The following GSE1 variants were observed in gnomAD, a reference collection of about 807,000 sequenced individuals.
GSE1 encodes the protein Gse1 coiled-coil protein, also known as genetic suppressor element 1.
GSE1 carries 32 observed loss-of-function variants against 112.6 expected under a neutral mutation model. That is an observed-to-expected ratio of 0.28 (90% CI 0.21 to 0.38). GSE1 has a LOEUF of 0.38. Among genes scored for constraint, GSE1 ranks in the 10% least tolerant of loss-of-function variants. The probability of loss-of-function intolerance (pLI) is 1.00; values close to 1 mark genes in which losing one functional copy is unlikely to be tolerated. For synonymous variants in GSE1, 1,115 were observed against 735.6 expected, an observed-to-expected ratio of 1.52 and a Z score of -8.35; for missense variants, 2,348 against 1,699.2, an observed-to-expected ratio of 1.38 and a Z score of -6.71.
chr16:85,290,740 A>C (rs542423063), intron 1 of GSE1, among the ~76,000 whole-genome samples: 3 of 151,678 alleles, frequency 2.0e-5, no homozygotes, highest in African/African-American at 4.8e-5. Flanking sequence ...ATGGCCACCC[A>C]CGAGCTGTCC....
rs116917228 is a variant in GSE1, at chr16:85,637,900, G to A, written c.226+3768G>A. ...CCCGCAGCCAGGGCTGCCTCCTGGC[G>A]ACGGCACGTCCTGGGCAGAGGGGGC... is the stretch of plus-strand genomic sequence containing the variant. On this transcript the variant is annotated intron_variant, in intron 2 of 15. Transcript: ENST00000253458. Among the ~76,000 whole-genome samples the A allele has an allele frequency of 2.3e-3, 354 of 152,288 alleles. 2 individuals are homozygous for A. Among genetic ancestry groups the A allele is most frequent in the Admixed American group, 0.013 (199 of 15,298 alleles).
chr16:85,354,665 C>T (rs1352620062), intron 1 of GSE1, among the ~76,000 whole-genome samples: 1 of 152,242 alleles, frequency 6.6e-6, no homozygotes, highest in Non-Finnish European at 1.5e-5. Flanking sequence ...CCCTGCACCC[C>T]TCCAGCCCAT....
chr16:85,669,079 G>T (rs760247937), intron 14 of GSE1, among the ~76,000 whole-genome samples: 11 of 152,268 alleles, frequency 7.2e-5, no homozygotes, highest in Non-Finnish European at 1.3e-4. Context: ...CCACGAAGTT[G>T]GGCGTTGCAG....
chr16:85,462,920 T>G (rs1475882874), intron 2 of GSE1, among the ~76,000 whole-genome samples: 1 of 151,038 alleles, frequency 6.6e-6, no homozygotes, highest in African/African-American at 2.4e-5. Flanking sequence ...GGCTGCTCCG[T>G]GCCGCCCCGC....
chr16:85,615,668 A>G (rs1382177443), intron 1 of GSE1, among the ~76,000 whole-genome samples: 1 of 152,186 alleles, frequency 6.6e-6, no homozygotes, highest in Non-Finnish European at 1.5e-5. Flanking sequence ...AAGGAAGGCA[A>G]CAAGGTGTCC....
intron 8 of GSE1, among the ~76,000 whole-genome samples, chr16:85,660,793 G>C (rs2052364038): frequency 6.6e-6 from 1 of 151,980 alleles, no homozygotes; most frequent in South Asian, 2.1e-4. Flanking sequence ...ACCATGCCTG[G>C]CTAATTTTTG....
At chr16:85,370,821 G>T (rs1041094621) in intron 2 of GSE1, among the ~76,000 whole-genome samples, 20 of 152,344 alleles carry the variant, frequency 1.3e-4, no homozygotes, top group African/African-American at 4.6e-4. Context: ...ACCACCTTTG[G>T]GAACTGGGTT....
intron 1 of GSE1, among the ~76,000 whole-genome samples, chr16:85,585,891 G>A (rs1315090925): frequency 6.6e-6 from 1 of 152,180 alleles, no homozygotes; most frequent in African/African-American, 2.4e-5. Context: ...GTCACTTCCT[G>A]CCTCTGACAA....
intron 1 of GSE1, among the ~76,000 whole-genome samples, chr16:85,590,080 GGTGT>G (rs571278780): frequency 9.1e-4 from 138 of 152,194 alleles, no homozygotes; most frequent in Admixed American, 2.7e-3. Flanking sequence ...TGATTGTGAA[GGTGT>G]GTGTGAGGCG....
chr16:85,249,877 C>T (rs917856167), intron 1 of GSE1, among the ~76,000 whole-genome samples: 3 of 152,246 alleles, frequency 2.0e-5, no homozygotes, highest in Admixed American at 6.5e-5. Context: ...TCCATGAGGG[C>T]AGCAATGTCA....
Position 85,673,690 on chromosome 16 carries a change from G to C in GSE1, c.*1151G>C, listed in dbSNP as rs2053520090. ...CTTACCTCCTCCACTCCCCCTGCCT[G>C]CCCCCAGCATCTGGACAAGCTAATA... On this transcript the variant is annotated 3_prime_UTR_variant, in exon 16 of 16. Coordinates refer to ENST00000253458, the MANE Select transcript of GSE1 (RefSeq NM_014615.5). 6.6e-6 allele frequency: 1 copy of C among 152,244 alleles called. No individual in the cohort carries two copies. Among genetic ancestry groups the C allele is most frequent in the Admixed American group, 6.5e-5 (1 of 15,280 alleles). The allele number at this position is 152,244 out of a possible 1,614,324, so 9.4% of individuals were successfully genotyped here. A position where few individuals can be genotyped will look rare whatever the true frequency, so the allele number is the denominator to read the frequency against.
At chr16:85,286,464 T>A (rs2045028654) in intron 1 of GSE1, among the ~76,000 whole-genome samples, 1 of 152,210 alleles carries the variant, frequency 6.6e-6, no homozygotes, top group Non-Finnish European at 1.5e-5. Context: ...GAGCCTGGTG[T>A]CCGTTCAAAG....
chr16:85,335,265 C>T (rs998487913), intron 1 of GSE1, among the ~76,000 whole-genome samples: 3 of 152,386 alleles, frequency 2.0e-5, no homozygotes, highest in Admixed American at 6.5e-5. Flanking sequence ...GAGTAGTTTT[C>T]GCTGACACAG....
chr16:85,596,457 A>G (rs2047231163), intron 1 of GSE1, among the ~76,000 whole-genome samples: 1 of 152,200 alleles, frequency 6.6e-6, no homozygotes, highest in Non-Finnish European at 1.5e-5. Context: ...TCCTCCCAGG[A>G]AGATTCCGCC....
intron 1 of GSE1, among the ~76,000 whole-genome samples, chr16:85,355,244 C>T (rs895818914): frequency 1.3e-4 from 20 of 151,776 alleles, no homozygotes; most frequent in African/African-American, 4.6e-4. Flanking sequence ...AACAAAAAAC[C>T]GGATCAACAG....
intron 1 of GSE1, among the ~76,000 whole-genome samples, chr16:85,355,064 G>C (rs1013939937): frequency 6.6e-6 from 1 of 152,240 alleles, no homozygotes; most frequent in Non-Finnish European, 1.5e-5. Flanking sequence ...GGTCTGGCCA[G>C]TGTCACCATA....
intron 1 of GSE1, among the ~76,000 whole-genome samples, chr16:85,618,283 C>A (rs533647604): frequency 1.3e-5 from 2 of 152,258 alleles, no homozygotes; most frequent in African/African-American, 4.8e-5. Flanking sequence ...CCCCCATGTT[C>A]TCATCTGTAA....
At chr16:85,297,840 C>T (rs966970991) in intron 1 of GSE1, among the ~76,000 whole-genome samples, 14 of 152,136 alleles carry the variant, frequency 9.2e-5, no homozygotes, top group South Asian at 8.3e-4. Flanking sequence ...ATTTCCTTGT[C>T]TCCCTCTGTT....
intron 2 of GSE1, among the ~76,000 whole-genome samples, chr16:85,647,911 C>T (rs539372317): frequency 1.3e-4 from 20 of 152,228 alleles, no homozygotes; most frequent in African/African-American, 4.6e-4. Context: ...TGTGTTTGTT[C>T]CCTGCTGCAC....
Sources: allele counts gnomAD v4.1 joint callset (sites outside exome capture counted in the v4.1 genomes callset), GRCh38; gene constraint gnomAD v4.1.1; transcripts MANE v1.5; gene names NCBI Gene and HGNC (gene_info 2026-07-23, HGNC 2026-07-21).